The following MYH13 variants were observed in gnomAD, a reference collection of about 807,000 sequenced individuals.
MYH13 encodes myosin heavy chain 13, also known as myosin-13.
Under a neutral mutation model 232.1 loss-of-function variants are expected in MYH13, and 177 were observed. The observed-to-expected ratio is 0.76, with a 90% CI of 0.67 to 0.86. The LOEUF is 0.86. MYH13 is among the 40% of genes least tolerant of loss of function. The probability of loss-of-function intolerance (pLI) is 0.00; values close to 1 mark genes in which losing one functional copy is unlikely to be tolerated. For missense variants in MYH13, 2,246 were observed against 2,405.9 expected, an observed-to-expected ratio of 0.93 and a Z score of 1.39; for synonymous variants, 884 against 923.5, an observed-to-expected ratio of 0.96 and a Z score of 0.78.
In MYH13 at chr17:10,368,698, G is replaced by A. The variant is rs576572183; in HGVS notation, c.-13+2511C>T. Among the ~76,000 whole-genome samples the A allele has an allele frequency of 2.6e-5, 4 of 152,318 alleles. No individual in the cohort carries two copies. The South Asian group carries it at 8.3e-4, about 32-fold the overall frequency. On this transcript the variant is annotated intron_variant, in intron 2 of 40. Coordinates refer to ENST00000252172, the MANE Select transcript of MYH13 (RefSeq NM_003802.3). ...ATAACAGCTGGGTATTATTGTGAAA[G>A]AGTTTTAGCCTCAAGTGCCTCCTAA...
intron 11 of MYH13, 92 bp downstream of exon 11, chr17:10,354,588 A>G: frequency 8.4e-7 from 1 of 1,193,176 alleles, no homozygotes; most frequent in African/African-American, 1.5e-5. Flanking sequence ...GTATCCCTGG[A>G]TTTCAGCTTT....
intron 19 of MYH13, 120 bp from the exon 20 acceptor site, chr17:10,332,342 T>TATTCCCATCTCCCAGACCA: frequency 7.5e-7 from 1 of 1,325,076 alleles, no homozygotes; most frequent in Non-Finnish European, 1.1e-6. Context: ...ACTGTACAGC[T>TATTCCCATCTCCCAGACCA]GGTCTGGGAG....
At chr17:10,342,185 C>T (rs2142256677) in intron 16 of MYH13, among the ~76,000 whole-genome samples, 1 of 152,276 alleles carries the variant, frequency 6.6e-6, no homozygotes, top group South Asian at 2.1e-4. Flanking sequence ...AGCTGGACTA[C>T]AGGTGTGCAC....
At chr17:10,363,831 A>G (rs775628645) in intron 3 of MYH13, among the ~76,000 whole-genome samples, 1 of 152,242 alleles carries the variant, frequency 6.6e-6, no homozygotes, top group African/African-American at 2.4e-5. Context: ...CCTGCCATAT[A>G]CATCTTTGGG....
chr17:10,357,912 G>A, intron 7 of MYH13, 85 bp from the exon 8 acceptor site: 2 of 1,243,464 alleles, frequency 1.6e-6, no homozygotes, highest in Non-Finnish European at 2.3e-6. Context: ...TGGGTACTCT[G>A]GGCAGGTTCA....
chr17:10,363,315 C>CAA (rs11390504), intron 3 of MYH13, among the ~76,000 whole-genome samples: 1,601 of 90,958 alleles, frequency 0.018, 68 homozygotes, highest in East Asian at 0.061. Context: ...GACTCCGTCT[C>CAA]AAAAAAAAAA....
Position 10,313,168 on chromosome 17 carries a change from C to G in MYH13, c.4171G>C (p.Glu1391Gln). 6.2e-7 allele frequency: 1 copy of G among 1,614,150 alleles called. No individual in the cohort carries two copies. Among genetic ancestry groups the G allele is most frequent in the Non-Finnish European group, 8.5e-7 (1 of 1,179,994 alleles). Reference sequence around the variant, plus strand: ...CCCTGGAGCCCCTACTTGGCCTCCTCCAGCTCCTCTGTGCGCTGAATGGCG... The same window carrying G: ...CCCTGGAGCCCCTACTTGGCCTCCTGCAGCTCCTCTGTGCGCTGAATGGCG... ...TDAIQRTEEL[E>Q]EAKKKLAQRL... Residue 1391 changes from glutamate (E) to glutamine (Q), a missense_variant, in exon 30 of 41, where the codon GAG (glutamate) becomes CAG (glutamine). Glu to Gln is a conservative substitution (Grantham distance 29). Transcript: ENST00000252172.
At chr17:10,368,830 T>C (rs533291681) in intron 2 of MYH13, among the ~76,000 whole-genome samples, 119 of 152,334 alleles carry the variant, frequency 7.8e-4, no homozygotes, top group African/African-American at 2.8e-3. Flanking sequence ...TTATAATATG[T>C]AGCTTGACTT....
chr17:10,325,231 C>T (rs1907160782), intron 22 of MYH13, among the ~76,000 whole-genome samples: 1 of 152,050 alleles, frequency 6.6e-6, no homozygotes, highest in East Asian at 1.9e-4. Context: ...TCTCACTCTT[C>T]CTGCTACCAC....
In MYH13 at chr17:10,313,297, G is replaced by A. The variant is rs1051299191; in HGVS notation, c.4042C>T (p.Arg1348Trp). Residue 1348 changes from arginine (R) to tryptophan (W), a missense_variant, in exon 30 of 41, where the codon CGG becomes TGG. Coordinates refer to ENST00000252172, the MANE Select transcript of MYH13 (RefSeq NM_003802.3). ...TCCTGCTCCTCCTCATACTGTTCCC[G>A]CAGCAGGTCACAGTCGTGGCGGGAG... ...QSSRHDCDLL[R>W]EQYEEEQEAK... 1.7e-5 allele frequency: 28 copies of A among 1,614,118 alleles called. No individual in the cohort carries two copies. The African/African-American group carries it at 2.1e-4, about 12-fold the overall frequency.
intron 32 of MYH13, 141 bp from the exon 33 acceptor site, chr17:10,311,368 G>A (rs1388329875): frequency 9.7e-7 from 1 of 1,032,086 alleles, no homozygotes; most frequent in Non-Finnish European, 1.4e-6. Flanking sequence ...CAGATGAGGT[G>A]TTGGCAAGAC....
At chr17:10,366,379 C>CTTTTTTTTTT (rs1555553015) in intron 2 of MYH13, among the ~76,000 whole-genome samples, 5 of 117,026 alleles carry the variant, frequency 4.3e-5, no homozygotes, top group African/African-American at 1.5e-4. Context: ...AGAAATAAAT[C>CTTTTTTTTTT]TGTTTTTTTT....
intron 32 of MYH13, 88 bp from the exon 33 acceptor site, chr17:10,311,315 T>A: frequency 6.7e-7 from 1 of 1,490,046 alleles, no homozygotes; most frequent in African/African-American, 1.4e-5. Flanking sequence ...GATGGGCGAT[T>A]CATTCATGAC....
chr17:10,344,176 A>G, intron 15 of MYH13, 67 bp from the exon 16 acceptor site: 6 of 1,554,804 alleles, frequency 3.9e-6, no homozygotes, highest in Non-Finnish European at 5.2e-6. Context: ...TGGAGAAGCC[A>G]AAAAACCTTC....
chr17:10,372,781 C>T (rs1467472439), intron 1 of MYH13, among the ~76,000 whole-genome samples, 198 bp downstream of exon 1: 1 of 152,092 alleles, frequency 6.6e-6, no homozygotes, highest in East Asian at 1.9e-4. Flanking sequence ...CTTGTCTTTT[C>T]ACCCCTTGTA....
chr17:10,318,748 G>C, intron 27 of MYH13, 42 bp downstream of exon 27: 1 of 1,608,168 alleles, frequency 6.2e-7, no homozygotes. Context: ...GTGGCCGTCG[G>C]CTGCCTTGCA....
intron 2 of MYH13, among the ~76,000 whole-genome samples, chr17:10,367,236 G>A (rs985598063): frequency 6.6e-6 from 1 of 152,202 alleles, no homozygotes; most frequent in Non-Finnish European, 1.5e-5. Context: ...TTTGGTTTAT[G>A]TAAGTCATAT....
intron 2 of MYH13, among the ~76,000 whole-genome samples, chr17:10,366,635 C>T (rs1241460443): frequency 1.3e-5 from 2 of 152,118 alleles, no homozygotes; most frequent in Admixed American, 6.5e-5. Context: ...CCCACCTTGG[C>T]CTCCCAAAGT....
Position 10,343,872 on chromosome 17 carries a change from C to T in MYH13, c.1822G>A (p.Val608Met). The change falls in exon 16 of 41, where the codon GTG becomes ATG. Residue 608 changes from valine to methionine, a missense_variant. By Grantham distance (21) the Val-to-Met change is conservative. Coordinates refer to ENST00000252172, the MANE Select transcript of MYH13 (RefSeq NM_003802.3). ...KNKDPLNETV[V>M]GLYQKSSLKL... ...AGCGAAGACTTCTGGTACAGCCCCACCACAGTCTCGTTCAGGGGGTCCTTG... is the reference window on the plus strand; with the variant it reads ...AGCGAAGACTTCTGGTACAGCCCCATCACAGTCTCGTTCAGGGGGTCCTTG... 6.2e-7 allele frequency: 1 copy of T among 1,614,208 alleles called. No homozygotes were observed.
Sources: gnomAD v4.1 joint callset for allele counts (sites outside exome capture counted in the v4.1 genomes callset) on GRCh38, gnomAD v4.1.1 for gene constraint, MANE v1.5 for transcripts, NCBI Gene and HGNC (gene_info 2026-07-23, HGNC 2026-07-21) for gene names.